The following SREBF2 variants were observed in gnomAD, a reference collection of about 807,000 sequenced individuals.
The protein encoded by SREBF2 is sterol regulatory element-binding protein 2.
SREBF2 carries 55 observed loss-of-function variants against 113.1 expected under a neutral mutation model. The observed-to-expected ratio is 0.49, with a 90% CI of 0.39 to 0.61. The LOEUF (loss-of-function observed/expected upper bound fraction) is 0.61, where lower values mean the gene tolerates loss of function less well. Ranked by LOEUF, SREBF2 falls within the 20% of genes least tolerant of loss-of-function variation. The pLI, the probability that SREBF2 is intolerant of heterozygous loss-of-function variation, is 0.00. For missense variants in SREBF2, 1,349 were observed against 1,487.4 expected (o/e 0.91, Z 1.53); for synonymous variants, 593 against 605.7 (o/e 0.98, Z 0.31).
intron 3 of SREBF2, 147 bp from the exon 4 acceptor site, chr22:41,870,742 G>T (rs972875854): frequency 8.6e-7 from 1 of 1,156,410 alleles, no homozygotes; most frequent in Non-Finnish European, 1.2e-6. Context: ...TGGCCTCTAT[G>T]AAATTTCCTG....
At chr22:41,890,840 G>A (rs1486032601) in intron 11 of SREBF2, among the ~76,000 whole-genome samples, 6 of 151,548 alleles carry the variant, frequency 4.0e-5, no homozygotes, top group East Asian at 1.9e-4. Context: ...CCCAGGAGGC[G>A]GAGGTTGCAG....
intron 11 of SREBF2, among the ~76,000 whole-genome samples, chr22:41,887,224 A>G (rs1476791869): frequency 6.6e-6 from 1 of 151,966 alleles, no homozygotes; most frequent in African/African-American, 2.4e-5. Context: ...GTCTCAAGAA[A>G]AAAAAAAAAG....
At chr22:41,887,694 T>G (rs2077312278) in intron 11 of SREBF2, among the ~76,000 whole-genome samples, 1 of 152,202 alleles carries the variant, frequency 6.6e-6, no homozygotes, top group African/African-American at 2.4e-5. Flanking sequence ...TACACACATC[T>G]TTCAGGAAAC....
At chr22:41,873,383 T>A (rs1260907466) in intron 4 of SREBF2, among the ~76,000 whole-genome samples, 1 of 152,170 alleles carries the variant, frequency 6.6e-6, no homozygotes, top group East Asian at 1.9e-4. Context: ...AGTAATTTGC[T>A]TAATTGTCAT....
At chr22:41,904,615 C>T in intron 17 of SREBF2, 1 of 675,496 alleles carries the variant, frequency 1.5e-6, no homozygotes, top group Non-Finnish European at 2.8e-6. Flanking sequence ...TTCTTGTCAC[C>T]AGTTGGGAAA....
intron 1 of SREBF2, among the ~76,000 whole-genome samples, chr22:41,846,592 A>G (rs1440841606): frequency 2.6e-5 from 4 of 152,168 alleles, no homozygotes; most frequent in Non-Finnish European, 5.9e-5. Context: ...TCTGCCGCCA[A>G]ATATACATGG....
intron 1 of SREBF2, among the ~76,000 whole-genome samples, chr22:41,860,498 A>G (rs549088580): frequency 7.2e-5 from 11 of 152,240 alleles, no homozygotes; most frequent in Non-Finnish European, 1.5e-4. Flanking sequence ...CAAAGCATGT[A>G]TAGTGGTCCT....
chr22:41,853,446 C>T (rs1262905487), intron 1 of SREBF2, among the ~76,000 whole-genome samples: 1 of 152,198 alleles, frequency 6.6e-6, no homozygotes, highest in Non-Finnish European at 1.5e-5. Context: ...TTGTCATGTT[C>T]CCTGTGTCTC....
chr22:41,887,090 C>T (rs1443649686), intron 11 of SREBF2, among the ~76,000 whole-genome samples: 1 of 152,064 alleles, frequency 6.6e-6, no homozygotes, highest in Non-Finnish European at 1.5e-5. Context: ...TGGTGCACAC[C>T]TGTAATCCCA....
At chr22:41,888,751 T>C (rs1297271764) in intron 11 of SREBF2, among the ~76,000 whole-genome samples, 3 of 152,238 alleles carry the variant, frequency 2.0e-5, no homozygotes, top group African/African-American at 7.2e-5. Flanking sequence ...GTAGAGATGG[T>C]GATGCTGTGT....
chr22:41,854,093 G>A (rs1476065817), intron 1 of SREBF2, among the ~76,000 whole-genome samples: 1 of 151,364 alleles, frequency 6.6e-6, no homozygotes, highest in Non-Finnish European at 1.5e-5. Context: ...CATGAAAGTT[G>A]CTATTGAGAG....
intron 18 of SREBF2, 35 bp downstream of exon 18, chr22:41,905,009 C>A: frequency 1.3e-6 from 2 of 1,534,592 alleles, no homozygotes; most frequent in Non-Finnish European, 1.8e-6. Flanking sequence ...CAGGCTGGGC[C>A]AGGCCCTGCG....
chr22:41,900,002 A>T, intron 15 of SREBF2: 2 of 1,258,806 alleles, frequency 1.6e-6, no homozygotes, highest in African/African-American at 1.5e-5. Context: ...ACAACACCTT[A>T]TTGTGGCCAC....
chr22:41,864,261 T>TATATATATATACAC (rs1204150898), intron 1 of SREBF2, among the ~76,000 whole-genome samples: 1 of 51,014 alleles, frequency 2.0e-5, no homozygotes, highest in Non-Finnish European at 3.6e-5. Context: ...TATATATATA[T>TATATATATATACAC]ACACACACAC....
intron 16 of SREBF2, among the ~76,000 whole-genome samples, chr22:41,901,210 G>A (rs5996083): frequency 0.043 from 6,610 of 152,254 alleles, 474 homozygotes; most frequent in African/African-American, 0.15. Flanking sequence ...GGGAGGGACC[G>A]GGAGAGTCCT....
chr22:41,898,751 A>G lies in SREBF2; in HGVS notation c.2708A>G (p.Glu903Gly). 1 of 1,614,058 alleles carries G rather than the reference A, an allele frequency of 6.2e-7. No individual in the cohort carries two copies. The highest frequency in any genetic ancestry group is 2.2e-5 in the East Asian group (1 of 44,882). The change falls in exon 15 of 19, where the codon GAA becomes GGA. Residue 903 changes from glutamate to glycine, a missense_variant. By Grantham distance (98) the Glu-to-Gly change is moderately conservative. Transcript: ENST00000361204. ...AAVRSHFTKVERIPKALEVTE... is the reference protein window; with the variant it reads ...AAVRSHFTKVGRIPKALEVTE... ...GTGCGCTCTCATTTTACCAAAGTGGAACGCATCCCCAAGGCCCTGGAAGTG... is the reference window on the plus strand; with the variant it reads ...GTGCGCTCTCATTTTACCAAAGTGGGACGCATCCCCAAGGCCCTGGAAGTG...
At chr22:41,896,203 T>C (rs1258718737) in intron 13 of SREBF2, among the ~76,000 whole-genome samples, 1 of 151,446 alleles carries the variant, frequency 6.6e-6, no homozygotes, top group Non-Finnish European at 1.5e-5. Context: ...GGCAGACACA[T>C]CTGGCCTGGA....
chr22:41,835,125 T>G (rs922247227), intron 1 of SREBF2, among the ~76,000 whole-genome samples: 2 of 149,098 alleles, frequency 1.3e-5, no homozygotes, highest in Non-Finnish European at 3.0e-5. Flanking sequence ...CCTATTTGTC[T>G]TATTTTGTTT....
Position 41,860,588 on chromosome 22 carries a change from C to T in SREBF2, c.89-6243C>T, listed in dbSNP as rs1030074567. On this transcript the variant is annotated intron_variant, in intron 1 of 18. Coordinates refer to ENST00000361204, the MANE Select transcript of SREBF2 (RefSeq NM_004599.4). ...GGAACAAAAGAGTTGTTAATAATGC[C>T]GAATAACTTGCTGGGTGTGGTGGCA... Among the ~76,000 whole-genome samples, 5 of 152,066 alleles carry T rather than the reference C, an allele frequency of 3.3e-5. No homozygotes were observed. The East Asian group carries it at 7.7e-4, about 23-fold the overall frequency.
Sources: gnomAD v4.1 joint callset for allele counts (sites outside exome capture counted in the v4.1 genomes callset) on GRCh38, gnomAD v4.1.1 for gene constraint, MANE v1.5 for transcripts, NCBI Gene and HGNC (gene_info 2026-07-23, HGNC 2026-07-21) for gene names.